Variants in UBN2 observed in about 807,000 individuals in gnomAD.
The protein encoded by UBN2 is ubinuclein-2.
In UBN2, 35 loss-of-function variants were observed where a neutral mutation model predicts 120.2. The observed-to-expected ratio is 0.29, with a 90% confidence interval of 0.22 to 0.39. The LOEUF (loss-of-function observed/expected upper bound fraction) is 0.39, where lower values mean the gene tolerates loss of function less well. Ranked by LOEUF, UBN2 falls within the 10% of genes least tolerant of loss-of-function variation. UBN2 has a pLI of 1.00. For missense variants in UBN2, 1,693 were observed against 1,663.2 expected, an observed-to-expected ratio of 1.02 and a Z score of -0.31; for synonymous variants, 661 against 648.7, an observed-to-expected ratio of 1.02 and a Z score of -0.29.
chr7:139,279,382 T>C (rs1432399318), intron 13 of UBN2, 22 bp downstream of exon 13: 1 of 1,567,690 alleles, frequency 6.4e-7, no homozygotes, highest in South Asian at 1.1e-5. Context: ...AACAAAATAT[T>C]TAATTAGTTA....
chr7:139,293,545 G>A, intron 16 of UBN2, 82 bp downstream of exon 16: 1 of 1,123,904 alleles, frequency 8.9e-7, no homozygotes, highest in Non-Finnish European at 1.3e-6. Context: ...ATTAAGAGTA[G>A]TCCAGTTGGA....
intron 2 of UBN2, among the ~76,000 whole-genome samples, chr7:139,239,060 A>C (rs923191452): frequency 5.9e-5 from 9 of 152,172 alleles, no homozygotes; most frequent in Admixed American, 3.9e-4. Context: ...AAAATTAAAA[A>C]TCTTCCTTTT....
chr7:139,301,528 A>G lies in UBN2; in HGVS notation c.*3692A>G, dbSNP rs1313914279. 1 of 152,196 alleles carries G rather than the reference A, an allele frequency of 6.6e-6. No individual in the cohort carries two copies. The highest frequency in any genetic ancestry group is 1.5e-5 in the Non-Finnish European group (1 of 68,042). The allele number at this position is 152,196 out of a possible 1,614,324, so 9.4% of individuals were successfully genotyped here. ...CATTTGTAAAATGAACTTTGCCTGT[A>G]TTGGTTGACTTTAATTTACAGTTCT... On this transcript the variant is annotated 3_prime_UTR_variant, in exon 18 of 18. Transcript: ENST00000473989.
rs1323584299 is a variant in UBN2 at position 139,303,122 on chromosome 7, A to G, written c.*5286A>G. 6 of 152,242 alleles carry G rather than the reference A, an allele frequency of 3.9e-5. No homozygotes were observed. Among genetic ancestry groups the G allele is most frequent in the African/African-American group, 1.4e-4 (6 of 41,466 alleles). 9.4% of individuals were successfully genotyped at this position (152,242 alleles called of 1,614,324 possible). A position where few individuals can be genotyped will look rare whatever the true frequency, so the allele number is the denominator to read the frequency against. ...TATCTGTTAAAAGGTTAATAAACTC[A>G]GAAGTAGAAAGACTTCAGATGCTGA... is the stretch of plus-strand genomic sequence containing the variant. On this transcript the variant is annotated 3_prime_UTR_variant, in exon 18 of 18. Coordinates refer to ENST00000473989, the MANE Select transcript of UBN2 (RefSeq NM_173569.4).
the UBN2 span, among the ~76,000 whole-genome samples, chr7:139,313,729 A>AAT: frequency 1.8e-4 from 28 of 152,204 alleles, no homozygotes; most frequent in Non-Finnish European, 2.5e-4. Flanking sequence ...TTTGGTATAT[A>AAT]GTTTTTATGA....
chr7:139,320,248 G>C, the UBN2 span, among the ~76,000 whole-genome samples: 15 of 151,976 alleles, frequency 9.9e-5, no homozygotes, highest in African/African-American at 3.4e-4. Context: ...GATCACCTGA[G>C]GTCAGGAGTT....
At chr7:139,325,914 C>T in the UBN2 span, among the ~76,000 whole-genome samples, 32,110 of 151,776 alleles carry the variant, frequency 0.21, 3,583 homozygotes, top group Admixed American at 0.33. Flanking sequence ...GGCATTGCAC[C>T]GGGCGGTGGC....
rs369833247 is a variant in UBN2, at chr7:139,284,297, C to G, written c.3392C>G (p.Ser1131Cys). The change falls in exon 15 of 18, where the codon TCT becomes TGT. Residue 1131 changes from serine (S) to cysteine (C), a missense_variant. By Grantham distance (112) the Ser-to-Cys change is moderately radical. Around this residue, in one of 5 missense-constraint regions of UBN2, gnomAD observed 837 missense variants for 817.6 expected, o/e 1.02. Coordinates refer to ENST00000473989, the MANE Select transcript of UBN2 (RefSeq NM_173569.4). ...RQSPTLNLLP[S>C]SRTSGLPPTK... ...TCTCCCACCTTGAATTTATTGCCCT[C>G]TAGTCGCACTTCAGGCCTTCCACCT... The G allele has an allele frequency of 5.6e-6, 9 of 1,614,066 alleles. No homozygotes were observed. Among genetic ancestry groups the G allele is most frequent in the Non-Finnish European group, 6.8e-6 (8 of 1,180,032 alleles).
At position 139,253,276 on chromosome 7, in the gene UBN2, T is replaced by G. The variant is rs1796669384; in HGVS notation, c.663+1219T>G. 5.3e-5 allele frequency among the ~76,000 whole-genome samples: 8 copies of G among 151,828 alleles called. No individual in the cohort carries two copies. The South Asian group carries it at 1.7e-3, about 31-fold the overall frequency. On this transcript the variant is annotated intron_variant, in intron 3 of 17. Transcript: ENST00000473989. ...GAAGTAACTGTGTATGAAATCTGGG[T>G]GCATTTATCTACTGAAGTAACTGTG... is the stretch of plus-strand genomic sequence containing the variant.
chr7:139,279,376 A>G lies in UBN2; in HGVS notation c.2067+16A>G. On this transcript the variant is annotated intron_variant, in intron 13 of 17. Transcript: ENST00000473989. ...CAAAGTAAAGGTAAGTACTGAAACA[A>G]AATATTTAATTAGTTATAGTTGGTG... 1.3e-6 allele frequency: 2 copies of G among 1,584,234 alleles called. No individual in the cohort carries two copies. Among genetic ancestry groups the G allele is most frequent in the Non-Finnish European group, 1.7e-6 (2 of 1,160,188 alleles).
At chr7:139,259,884 G>T (rs1319453334) in intron 5 of UBN2, among the ~76,000 whole-genome samples, 1 of 151,988 alleles carries the variant, frequency 6.6e-6, no homozygotes, top group Non-Finnish European at 1.5e-5. Flanking sequence ...AAGTAGCTGG[G>T]ATTACAGGTG....
At chr7:139,260,024 C>T (rs950677477) in intron 5 of UBN2, among the ~76,000 whole-genome samples, 2 of 152,184 alleles carry the variant, frequency 1.3e-5, no homozygotes, top group Admixed American at 6.5e-5. Flanking sequence ...CTCCCTCAGC[C>T]TCCCAAAGTG....
At chr7:139,318,031 T>C in the UBN2 span, among the ~76,000 whole-genome samples, 2 of 152,198 alleles carry the variant, frequency 1.3e-5, no homozygotes, top group African/African-American at 4.8e-5. Context: ...TCCACTGGAT[T>C]CTGTGCCACT....
chr7:139,283,755 C>G lies in UBN2; in HGVS notation c.2850C>G (p.Ser950=). 6.2e-7 allele frequency: 1 copy of G among 1,613,816 alleles called. No individual in the cohort carries two copies. Among genetic ancestry groups the G allele is most frequent in the Non-Finnish European group, 8.5e-7 (1 of 1,180,030 alleles). ...VSPLQATISK[S]QTNPVVKLSN... Reference sequence around the variant, plus strand: ...CATTACAGGCCACCATCAGTAAATCCCAGACCAACCCCGTCGTGAAGTTAA... The same window carrying G: ...CATTACAGGCCACCATCAGTAAATCGCAGACCAACCCCGTCGTGAAGTTAA... Residue 950 remains serine (S), a synonymous_variant, in exon 15 of 18, where the codon TCC becomes TCG. Coordinates refer to ENST00000473989, the MANE Select transcript of UBN2 (RefSeq NM_173569.4).
chr7:139,318,042 G>A, the UBN2 span, among the ~76,000 whole-genome samples: 2 of 152,116 alleles, frequency 1.3e-5, no homozygotes, highest in Non-Finnish European at 2.9e-5. Flanking sequence ...CTGTGCCACT[G>A]CTTGTTCCTC....
At chr7:139,282,111 GGTTT>G (rs1169172697) in intron 14 of UBN2, 56 bp downstream of exon 14, 10 of 1,555,292 alleles carry the variant, frequency 6.4e-6, no homozygotes, top group African/African-American at 5.4e-5. Context: ...GGTTTGTTTG[GGTTT>G]GTTTAAGAAA....
At chr7:139,240,271 T>C (rs1796280933) in intron 2 of UBN2, among the ~76,000 whole-genome samples, 1 of 150,704 alleles carries the variant, frequency 6.6e-6, no homozygotes, top group Non-Finnish European at 1.5e-5. Context: ...TCTATGAGTA[T>C]TGTGTGTGTG....
rs1554480228 is a variant in UBN2, at chr7:139,304,706, G to GGGGTGTGTGTGTGTGTGTGT, written c.*6871_*6872insGGTGTGTGTGTGTGTGTGTG. ...AGGTCCACTGAATCTCTAATGATAG[G>GGGGTGTGTGTGTGTGTGTGT]GTGTGTGTGTGTGTGTGTGTGTGTG... On this transcript the variant is annotated 3_prime_UTR_variant, in exon 18 of 18. Transcript: ENST00000473989. The GGGGTGTGTGTGTGTGTGTGT allele has an allele frequency of 1.1e-4, 16 of 140,388 alleles. No individual in the cohort carries two copies. The highest frequency in any genetic ancestry group is 5.7e-4 in the Admixed American group (8 of 14,012). 8.7% of individuals were successfully genotyped at this position (140,388 alleles called of 1,614,324 possible).
chr7:139,292,328 A>C (rs1450723924), intron 15 of UBN2, among the ~76,000 whole-genome samples: 1 of 152,188 alleles, frequency 6.6e-6, no homozygotes, highest in East Asian at 1.9e-4. Flanking sequence ...CCATGTTGGC[A>C]TATTTCTTAT....
Sources: allele counts gnomAD v4.1 joint callset (sites outside exome capture counted in the v4.1 genomes callset), GRCh38; gene constraint gnomAD v4.1.1; regional missense constraint gnomAD v4.1.1; transcripts MANE v1.5; gene names NCBI Gene and HGNC (gene_info 2026-07-23, HGNC 2026-07-21).